Variants in NALCN observed in about 807,000 individuals in gnomAD.
The protein encoded by NALCN is sodium leak channel NALCN.
NALCN carries 111 observed loss-of-function variants against 225.3 expected under a neutral mutation model. The observed-to-expected ratio is 0.49, with a 90% CI of 0.42 to 0.58. NALCN has a LOEUF of 0.58. NALCN is among the 20% of genes least tolerant of loss of function. The pLI, the probability that NALCN is intolerant of heterozygous loss-of-function variation, is 0.00. For missense variants in NALCN, 1,378 were observed against 2,202.4 expected (o/e 0.63, Z 7.49); for synonymous variants, 764 against 769.0 (o/e 0.99, Z 0.11).
At chr13:101,199,183 A>G (rs1430096132) in intron 13 of NALCN, among the ~76,000 whole-genome samples, 5 of 151,974 alleles carry the variant, frequency 3.3e-5, no homozygotes, top group African/African-American at 1.2e-4. Context: ...AGATATAGCT[A>G]ATGTAAATGA....
At chr13:101,164,275 G>T (rs551153556) in intron 15 of NALCN, among the ~76,000 whole-genome samples, 1 of 152,014 alleles carries the variant, frequency 6.6e-6, no homozygotes, top group African/African-American at 2.4e-5. Context: ...AATCCAGTTG[G>T]CTGTTTCTAT....
chr13:101,191,727 C>G (rs1355677865), intron 14 of NALCN, among the ~76,000 whole-genome samples, 190 bp downstream of exon 14: 2 of 152,136 alleles, frequency 1.3e-5, no homozygotes, highest in Non-Finnish European at 2.9e-5. Context: ...GAGAAAATAT[C>G]TAACTTAACA....
At chr13:101,145,080 G>C (rs2037282756) in intron 15 of NALCN, among the ~76,000 whole-genome samples, 184 bp from the exon 16 acceptor site, 1 of 151,418 alleles carries the variant, frequency 6.6e-6, no homozygotes, top group Non-Finnish European at 1.5e-5. Flanking sequence ...TAAAACTTTT[G>C]AGTTAACAGA....
intron 17 of NALCN, among the ~76,000 whole-genome samples, 187 bp from the exon 18 acceptor site, chr13:101,124,868 G>A (rs1420899452): frequency 6.6e-6 from 1 of 152,052 alleles, no homozygotes; most frequent in Non-Finnish European, 1.5e-5. Flanking sequence ...AAACTTGTGG[G>A]GCCCCACGTC....
intron 18 of NALCN, 109 bp downstream of exon 18, chr13:101,124,499 G>A: frequency 1.1e-6 from 1 of 918,072 alleles, no homozygotes. Context: ...CTTTCTGGCA[G>A]AAAGTATATG....
At position 101,074,642 on chromosome 13, in the gene NALCN, G is replaced by A. The variant is rs371128398; in HGVS notation, c.3975C>T (p.Leu1325=). ...TGTACATGCTGACGACCACTGTCAA[G>A]AGGAGCATCTTTAGCGTTACCTGGG... is the stretch of plus-strand genomic sequence containing the variant. ...CGKHVTLKML[L]LTVVVSMYKS... Residue 1325 remains leucine (L), a synonymous_variant, in exon 36 of 44, where the codon CTC becomes CTT. Coordinates refer to ENST00000251127, the MANE Select transcript of NALCN (RefSeq NM_052867.4). 1.2e-5 allele frequency: 20 copies of A among 1,610,908 alleles called. No individual in the cohort carries two copies. The highest frequency in any genetic ancestry group is 1.7e-5 in the Non-Finnish European group (20 of 1,179,372).
At chr13:101,080,964 G>A (rs537731247) in intron 34 of NALCN, among the ~76,000 whole-genome samples, 1 of 152,078 alleles carries the variant, frequency 6.6e-6, no homozygotes, top group African/African-American at 2.4e-5. Flanking sequence ...GAGGGTGAAG[G>A]CACTTTAGGT....
Position 101,085,515 on chromosome 13 carries a change from ATTGT to A in NALCN, c.3490-1715_3490-1712del, listed in dbSNP as rs552587313. On this transcript the variant is annotated intron_variant, in intron 30 of 43. Coordinates refer to ENST00000251127, the MANE Select transcript of NALCN (RefSeq NM_052867.4). Reference sequence around the variant, plus strand: ...TGGTGAATCTAATTGACAACAATTAATTGTTTATTTTTAAATACCTAGAAGAGAG... The same window carrying A: ...TGGTGAATCTAATTGACAACAATTAATTATTTTTAAATACCTAGAAGAGAG... 4.8e-4 allele frequency among the ~76,000 whole-genome samples: 73 copies of A among 152,292 alleles called. 1 individual carries two copies. The South Asian group carries it at 0.015, about 32-fold the overall frequency.
chr13:101,285,325 A>G (rs2043300212), intron 9 of NALCN, among the ~76,000 whole-genome samples: 1 of 152,094 alleles, frequency 6.6e-6, no homozygotes, highest in Non-Finnish European at 1.5e-5. Context: ...GGGGAGATAG[A>G]GTCCTGCTCT....
At chr13:101,287,546 T>G (rs1200121399) in intron 9 of NALCN, among the ~76,000 whole-genome samples, 3 of 152,216 alleles carry the variant, frequency 2.0e-5, no homozygotes, top group Non-Finnish European at 4.4e-5. Flanking sequence ...CTTCACAGTA[T>G]TATTATGAAA....
chr13:101,159,127 G>C (rs2139857090), intron 15 of NALCN, among the ~76,000 whole-genome samples: 1 of 152,322 alleles, frequency 6.6e-6, no homozygotes, highest in South Asian at 2.1e-4. Flanking sequence ...AAGTGGGAAA[G>C]TTTGATGGCA....
chr13:101,379,717 G>C (rs915739919), intron 3 of NALCN, among the ~76,000 whole-genome samples: 5 of 152,106 alleles, frequency 3.3e-5, no homozygotes, highest in African/African-American at 1.2e-4. Flanking sequence ...CCTGTCAAGA[G>C]GTGGGGGGCT....
chr13:101,089,412 G>A lies in NALCN; in HGVS notation c.3489+251C>T, dbSNP rs963395889. ...CTTTTCAATTTGAACAATAGGAGAC[G>A]CGCCTCTCAGTTGTCGGTGAATTAA... On this transcript the variant is annotated intron_variant, in intron 30 of 43. Coordinates refer to ENST00000251127, the MANE Select transcript of NALCN (RefSeq NM_052867.4). This position sits in a 1 kb window ranked among gnomAD's most constrained non-coding sequence, Gnocchi z 4.7. Among the ~76,000 whole-genome samples, 21 of 152,126 alleles carry A rather than the reference G, an allele frequency of 1.4e-4. No homozygotes were observed. Among genetic ancestry groups the A allele is most frequent in the South Asian group, 4.1e-4 (2 of 4,826 alleles).
intron 1 of NALCN, among the ~76,000 whole-genome samples, chr13:101,410,022 T>A (rs1241397028): frequency 6.6e-6 from 1 of 152,202 alleles, no homozygotes; most frequent in Non-Finnish European, 1.5e-5. Context: ...GGCAGCTGAA[T>A]GGTCTGTGGA....
chr13:101,132,497 T>C (rs2036565253), intron 17 of NALCN, among the ~76,000 whole-genome samples: 1 of 152,128 alleles, frequency 6.6e-6, no homozygotes, highest in Non-Finnish European at 1.5e-5. Context: ...CATTGCACAT[T>C]TAAAAATGTA....
chr13:101,098,578 C>G (rs916284684), intron 27 of NALCN, among the ~76,000 whole-genome samples: 2 of 152,208 alleles, frequency 1.3e-5, no homozygotes, highest in Admixed American at 1.3e-4. Context: ...CAGCCTCATA[C>G]AAGAAAACAC....
At chr13:101,320,571 G>C (rs941685179) in intron 7 of NALCN, among the ~76,000 whole-genome samples, 2 of 152,024 alleles carry the variant, frequency 1.3e-5, no homozygotes, top group African/African-American at 2.4e-5. Context: ...ATATTAGAGT[G>C]GGGGAGGAAA....
In NALCN at chr13:101,106,967, G is replaced by A. The variant is rs573047456; in HGVS notation, c.2579+520C>T. ...TGTCTTCAATGTCCACTCTACTTAC[G>A]GCTTCTTACACATTTCTTCCATGTT... On this transcript the variant is annotated intron_variant, in intron 22 of 43. Coordinates refer to ENST00000251127, the MANE Select transcript of NALCN (RefSeq NM_052867.4). Among the ~76,000 whole-genome samples, 73 of 152,158 alleles carry A rather than the reference G, an allele frequency of 4.8e-4. 1 individual carries two copies. The highest frequency in any genetic ancestry group is 3.1e-4 in the Non-Finnish European group (21 of 68,016).
At chr13:101,110,140 A>G (rs1466906115) in intron 20 of NALCN, among the ~76,000 whole-genome samples, 1 of 152,196 alleles carries the variant, frequency 6.6e-6, no homozygotes, top group Non-Finnish European at 1.5e-5. Flanking sequence ...CATGACTTAG[A>G]GTCTAAAAGC....
Sources: allele counts gnomAD v4.1 joint callset (sites outside exome capture counted in the v4.1 genomes callset), GRCh38; gene constraint gnomAD v4.1.1; non-coding constraint Gnocchi (gnomAD v3.1); transcripts MANE v1.5; gene names NCBI Gene and HGNC (gene_info 2026-07-23, HGNC 2026-07-21).